Variants in NRXN1 observed in about 807,000 individuals in gnomAD.
NRXN1 encodes the protein neurexin-1.
NRXN1 carries 39 observed loss-of-function variants against 150.9 expected under a neutral mutation model. The observed-to-expected ratio is 0.26, with a 90% confidence interval of 0.20 to 0.34. The LOEUF is 0.34. Among genes scored for constraint, NRXN1 ranks in the 10% least tolerant of loss-of-function variants. The pLI is 1.00. For synonymous variants in NRXN1, 924 were observed against 757.0 expected, an observed-to-expected ratio of 1.22 and a Z score of -3.62; for missense variants, 1,815 against 1,949.9, an observed-to-expected ratio of 0.93 and a Z score of 1.30.
At chr2:50,961,109 T>C (rs1222014846) in intron 2 of NRXN1, among the ~76,000 whole-genome samples, 1 of 151,930 alleles carries the variant, frequency 6.6e-6, no homozygotes, top group Non-Finnish European at 1.5e-5. Context: ...TTAAAGATTA[T>C]ATGTCCATTG....
intron 5 of NRXN1, among the ~76,000 whole-genome samples, chr2:50,692,888 C>G (rs1187200163): frequency 6.6e-6 from 1 of 152,094 alleles, no homozygotes; most frequent in Non-Finnish European, 1.5e-5. Context: ...GGTCCTGCAT[C>G]CCAATCTGTG....
chr2:50,530,864 A>G (rs1448818892), intron 11 of NRXN1, among the ~76,000 whole-genome samples: 1 of 152,198 alleles, frequency 6.6e-6, no homozygotes, highest in Non-Finnish European at 1.5e-5. Context: ...GCTTTTATTT[A>G]TCTGCAAGGA....
At chr2:50,476,787 G>A (rs529759521) in intron 15 of NRXN1, among the ~76,000 whole-genome samples, 4 of 152,250 alleles carry the variant, frequency 2.6e-5, no homozygotes, top group African/African-American at 9.6e-5. Context: ...GTAGCTCACA[G>A]AGCTCCTTTG....
Position 50,347,048 on chromosome 2 carries a change from A to G in NRXN1, c.3365-110078T>C. On this transcript the variant is annotated intron_variant, in intron 17 of 22. Transcript: ENST00000401669. The surrounding 1 kb of genome is among the most constrained non-coding windows in gnomAD (Gnocchi z 4.9). Reference sequence around the variant, plus strand: ...GGAGCGGGCGGCGCGGAGTGGGCTGAGGGGCCGGCCGCCTCACCGCGCCAG... The same window carrying G: ...GGAGCGGGCGGCGCGGAGTGGGCTGGGGGGCCGGCCGCCTCACCGCGCCAG... 1 of 1,377,452 alleles carries G rather than the reference A, an allele frequency of 7.3e-7. No homozygotes were observed. The highest frequency in any genetic ancestry group is 1.2e-5 in the South Asian group (1 of 81,398). 85.3% of individuals were successfully genotyped at this position (1,377,452 alleles called of 1,614,324 possible). A position where few individuals can be genotyped will look rare whatever the true frequency, so the allele number is the denominator to read the frequency against.
At chr2:50,759,069 CA>C (rs1275361229) in intron 5 of NRXN1, among the ~76,000 whole-genome samples, 5 of 151,890 alleles carry the variant, frequency 3.3e-5, no homozygotes, top group African/African-American at 1.2e-4. Flanking sequence ...TTTGCAAATG[CA>C]TAAATATGGG....
chr2:50,670,297 A>T (rs76727945), intron 5 of NRXN1, among the ~76,000 whole-genome samples: 11,895 of 150,946 alleles, frequency 0.079, 602 homozygotes, highest in Non-Finnish European at 0.11. Flanking sequence ...ATTTATCATT[A>T]AAAAAAAACT....
At chr2:50,771,288 A>G (rs1313299191) in intron 5 of NRXN1, among the ~76,000 whole-genome samples, 1 of 152,124 alleles carries the variant, frequency 6.6e-6, no homozygotes, top group African/African-American at 2.4e-5. Context: ...ATTCTCCCAA[A>G]ACGCAAAATC....
chr2:50,500,807 T>G (rs2091902102), intron 13 of NRXN1, among the ~76,000 whole-genome samples: 1 of 152,238 alleles, frequency 6.6e-6, no homozygotes, highest in African/African-American at 2.4e-5. Context: ...ATATGTGCTC[T>G]GCGTTAGGTT....
chr2:50,439,725 G>C (rs759850298), intron 17 of NRXN1, among the ~76,000 whole-genome samples: 6 of 151,712 alleles, frequency 4.0e-5, no homozygotes, highest in Non-Finnish European at 8.8e-5. Context: ...GCTGAGGCAG[G>C]AGAATGGCGT....
chr2:50,123,046 G>A (rs967981094), intron 18 of NRXN1, among the ~76,000 whole-genome samples: 4 of 152,090 alleles, frequency 2.6e-5, no homozygotes, highest in African/African-American at 9.7e-5. Context: ...AATTTAAAAT[G>A]TAATTACATT....
chr2:50,408,655 A>ATGTG (rs1182611946), intron 17 of NRXN1, among the ~76,000 whole-genome samples: 1 of 152,028 alleles, frequency 6.6e-6, no homozygotes, highest in Non-Finnish European at 1.5e-5. Flanking sequence ...GATTGTGTGT[A>ATGTG]TGTGTGTGTG....
At chr2:49,998,785 C>T (rs560430706) in intron 21 of NRXN1, among the ~76,000 whole-genome samples, 9 of 152,168 alleles carry the variant, frequency 5.9e-5, no homozygotes, top group African/African-American at 7.2e-5. Flanking sequence ...CTTGCCTACA[C>T]GAAGTAGTGT....
chr2:50,497,427 G>A lies in NRXN1; in HGVS notation c.2785C>T (p.Leu929Phe), dbSNP rs794727140. 2 of 1,611,022 alleles carry A rather than the reference G, an allele frequency of 1.2e-6. No individual in the cohort carries two copies. Residue 929 changes from leucine to phenylalanine, a missense_variant, in exon 14 of 23, where the codon CTT becomes TTT. Physicochemically the swap from Leu to Phe is conservative, Grantham distance 22. This residue lies in a region of NRXN1 where 339 missense variants were observed against 440.3 expected (regional missense o/e 0.77). Coordinates refer to ENST00000401669, the MANE Select transcript of NRXN1 (RefSeq NM_001330078.2). ...ATLQAYTSMHLFFQFKTTSLD... is the reference protein window; with the variant it reads ...ATLQAYTSMHFFFQFKTTSLD... ...GATGTTGTCTTGAACTGGAAAAAAA[G>A]ATGCATAGAAGTGTAGGCTTGCAAG... is the stretch of plus-strand genomic sequence containing the variant.
At chr2:51,021,377 T>C (rs1298811044) in intron 2 of NRXN1, among the ~76,000 whole-genome samples, 2 of 151,948 alleles carry the variant, frequency 1.3e-5, no homozygotes, top group African/African-American at 4.8e-5. Context: ...TCAACGACTA[T>C]TTTCAGGTAC....
intron 5 of NRXN1, among the ~76,000 whole-genome samples, chr2:50,665,009 TGATAAACTAAAAG>T (rs891928372): frequency 2.0e-5 from 3 of 152,024 alleles, no homozygotes; most frequent in African/African-American, 7.2e-5. Flanking sequence ...GTATCAAATG[TGATAAACTAAAAG>T]CATAATTAAC....
chr2:50,712,039 C>G (rs904301796), intron 5 of NRXN1, among the ~76,000 whole-genome samples: 1 of 152,086 alleles, frequency 6.6e-6, no homozygotes, highest in Non-Finnish European at 1.5e-5. Context: ...AGACCAGGAT[C>G]CTGACCTACA....
chr2:50,583,041 T>A (rs1376759684), intron 8 of NRXN1, among the ~76,000 whole-genome samples: 2 of 151,380 alleles, frequency 1.3e-5, no homozygotes, highest in African/African-American at 4.9e-5. Flanking sequence ...TACTTTCACC[T>A]CCCACCTAGT....
intron 5 of NRXN1, among the ~76,000 whole-genome samples, chr2:50,643,752 T>A (rs1553920568): frequency 6.6e-6 from 1 of 151,918 alleles, no homozygotes; most frequent in Non-Finnish European, 1.5e-5. Context: ...TAAACATCCC[T>A]TGTCTGTTTC....
chr2:50,057,136 T>A (rs1693779404), intron 19 of NRXN1, among the ~76,000 whole-genome samples: 2 of 152,252 alleles, frequency 1.3e-5, no homozygotes, highest in African/African-American at 4.8e-5. Flanking sequence ...CCATTTCTCT[T>A]AGGATAAAAT....
Sources: allele counts gnomAD v4.1 joint callset (sites outside exome capture counted in the v4.1 genomes callset), GRCh38; gene constraint gnomAD v4.1.1; regional missense constraint gnomAD v4.1.1; non-coding constraint Gnocchi (gnomAD v3.1); transcripts MANE v1.5; gene names NCBI Gene and HGNC (gene_info 2026-07-23, HGNC 2026-07-21).